UTRN: variants seen among roughly 807,000 people sequenced by gnomAD.
UTRN encodes dystrophin-related protein 1.
Under a neutral mutation model 463.9 loss-of-function variants are expected in UTRN, and 283 were observed. The observed-to-expected ratio is 0.61, with a 90% CI of 0.55 to 0.67. The LOEUF (loss-of-function observed/expected upper bound fraction) is 0.67, where lower values mean the gene tolerates loss of function less well. Ranked by LOEUF, UTRN falls within the 30% of genes least tolerant of loss-of-function variation. The pLI, the probability that UTRN is intolerant of heterozygous loss-of-function variation, is 0.00. For synonymous variants in UTRN, 1,442 were observed against 1,431.5 expected (o/e 1.01, Z -0.17); for missense variants, 3,922 against 4,084.3 (o/e 0.96, Z 1.08).
chr6:144,507,265 G>T (rs982222540), intron 34 of UTRN, among the ~76,000 whole-genome samples: 1 of 151,838 alleles, frequency 6.6e-6, no homozygotes, highest in Non-Finnish European at 1.5e-5. Flanking sequence ...GCCTACTTCT[G>T]TCAATTCATC....
intron 51 of UTRN, among the ~76,000 whole-genome samples, chr6:144,609,517 C>T (rs907398900): frequency 6.6e-6 from 1 of 152,176 alleles, no homozygotes; most frequent in Non-Finnish European, 1.5e-5. Context: ...CCACTTTGAA[C>T]AGTGGACAGA....
intron 23 of UTRN, 72 bp downstream of exon 23, chr6:144,462,938 A>ATTT (rs1789570670): frequency 8.4e-7 from 1 of 1,189,232 alleles, no homozygotes; most frequent in Non-Finnish European, 1.2e-6. Flanking sequence ...AGATTCACGT[A>ATTT]TTTATTATTT....
At chr6:144,580,898 A>G (rs1046578294) in intron 51 of UTRN, among the ~76,000 whole-genome samples, 5 of 152,222 alleles carry the variant, frequency 3.3e-5, no homozygotes, top group Admixed American at 6.5e-5. Flanking sequence ...TCCAGGCTAC[A>G]GGTAATAATT....
intron 50 of UTRN, among the ~76,000 whole-genome samples, chr6:144,557,771 T>C (rs1332645024): frequency 3.9e-5 from 6 of 152,154 alleles, no homozygotes; most frequent in Admixed American, 2.0e-4. Flanking sequence ...AAATAATCTA[T>C]GTGCATTTAG....
chr6:144,287,643 C>T (rs1317887166), intron 1 of UTRN, among the ~76,000 whole-genome samples: 1 of 151,970 alleles, frequency 6.6e-6, no homozygotes, highest in African/African-American at 2.4e-5. Flanking sequence ...AAAATTGAAA[C>T]ATTAGTTTTG....
At chr6:144,462,945 A>G (rs1316663517) in intron 23 of UTRN, 79 bp downstream of exon 23, 7 of 1,148,454 alleles carry the variant, frequency 6.1e-6, no homozygotes. Context: ...CGTATTTATT[A>G]TTTAAATATT....
chr6:144,458,041 T>G (rs898324065), intron 19 of UTRN, among the ~76,000 whole-genome samples: 1 of 152,212 alleles, frequency 6.6e-6, no homozygotes, highest in Non-Finnish European at 1.5e-5. Flanking sequence ...GACTTTATTA[T>G]TTTTAGGAAC....
chr6:144,641,445 A>G (rs1247396956), intron 51 of UTRN, among the ~76,000 whole-genome samples: 1 of 152,162 alleles, frequency 6.6e-6, no homozygotes, highest in Non-Finnish European at 1.5e-5. Context: ...GAGAGAACAG[A>G]TTACAGATGT....
rs1562490981 is a variant in UTRN at position 144,499,432 on chromosome 6, G to T, written c.4764+5G>T. 1 of 1,598,540 alleles carries T rather than the reference G, an allele frequency of 6.3e-7. No individual in the cohort carries two copies. Among genetic ancestry groups the T allele is most frequent in the Non-Finnish European group, 8.6e-7 (1 of 1,168,218 alleles). ...ACAGAAATTTCCTGGGCTAAAGTAA[G>T]TTGCAGTTCAGATGAAACACCAGCA... On this transcript the variant is annotated splice_donor_5th_base_variant and intron_variant, in intron 34 of 74. Transcript: ENST00000367545.
chr6:144,347,935 C>T (rs1290401118), intron 2 of UTRN, among the ~76,000 whole-genome samples: 1 of 150,834 alleles, frequency 6.6e-6, no homozygotes, highest in African/African-American at 2.5e-5. Context: ...CCTTGACCTC[C>T]CAGGCTCAAG....
At chr6:144,655,535 T>G (rs1253142141) in intron 51 of UTRN, among the ~76,000 whole-genome samples, 2 of 151,180 alleles carry the variant, frequency 1.3e-5, no homozygotes, top group Non-Finnish European at 2.9e-5. Context: ...AACTCCTCAT[T>G]TTAGTAATGA....
At chr6:144,822,003 A>G (rs1420632957) in intron 66 of UTRN, among the ~76,000 whole-genome samples, 1 of 152,162 alleles carries the variant, frequency 6.6e-6, no homozygotes, top group African/African-American at 2.4e-5. Flanking sequence ...TATAAAAAAT[A>G]GAGAAAATTG....
rs80081334 is a variant in UTRN, at chr6:144,324,856, C to G, written c.79+32949C>G. On this transcript the variant is annotated intron_variant, in intron 2 of 74. Transcript: ENST00000367545. ...TGGAGTGGCTTTCTTATGCATCTCA[C>G]AGATTTTGCAAGCCCTCTGATTGAA... Among the ~76,000 whole-genome samples the G allele has an allele frequency of 8.7e-3, 1,321 of 152,258 alleles. 90 individuals are homozygous for G. In the East Asian group the frequency reaches 0.17, roughly 19 times the overall value.
chr6:144,435,831 A>G, intron 9 of UTRN, 104 bp from the exon 10 acceptor site: 2 of 1,274,496 alleles, frequency 1.6e-6, no homozygotes, highest in Non-Finnish European at 2.2e-6. Context: ...ATTAGTGCCT[A>G]AGACAGAGTG....
rs1416403628 is a variant in UTRN, at chr6:144,337,215, CACACAT to C, written c.79+45309_79+45314del. Among the ~76,000 whole-genome samples the C allele has an allele frequency of 6.7e-5, 10 of 149,292 alleles. No individual in the cohort carries two copies. In the East Asian group the frequency reaches 1.0e-3, roughly 16 times the overall value. The stretch of plus-strand genomic sequence containing the variant: ...CACACCACACACACACACACACACA[CACACAT>C]GTGAGAGGAGGGCCACCCTGGGAGG... On this transcript the variant is annotated intron_variant, in intron 2 of 74. Transcript: ENST00000367545.
intron 2 of UTRN, among the ~76,000 whole-genome samples, chr6:144,376,011 A>G (rs1780424907): frequency 2.0e-5 from 3 of 151,884 alleles, no homozygotes; most frequent in South Asian, 2.1e-4. Context: ...TTTTTGAGAC[A>G]GGGTTTCACT....
At chr6:144,597,709 A>T (rs1294400886) in intron 51 of UTRN, among the ~76,000 whole-genome samples, 7 of 152,236 alleles carry the variant, frequency 4.6e-5, no homozygotes, top group Non-Finnish European at 1.0e-4. Context: ...CTATGAAAGA[A>T]GCATAAACTT....
In UTRN at chr6:144,521,983, A is replaced by G. The variant is rs775632393; in HGVS notation, c.5545A>G (p.Ile1849Val). The change falls in exon 40 of 75, where the codon ATC becomes GTC. Residue 1849 changes from isoleucine (I) to valine (V), a missense_variant. Ile to Val is a conservative substitution (Grantham distance 29). Around this residue, in one of 3 missense-constraint regions of UTRN, gnomAD observed 2,349 missense variants for 2,303.8 expected, o/e 1.02. Coordinates refer to ENST00000367545, the MANE Select transcript of UTRN (RefSeq NM_007124.3). ...TTTTTTTTTGCTGTTTTTGTAGGCAATCCCTATTCAACAGAGGAAAATGGG... is the reference window on the plus strand; with the variant it reads ...TTTTTTTTTGCTGTTTTTGTAGGCAGTCCCTATTCAACAGAGGAAAATGGG... ...LHTRYNKIKA[I>V]PIQQRKMGQL... is the part of the protein sequence containing the mutation. 1.1e-5 allele frequency: 17 copies of G among 1,512,938 alleles called. No individual in the cohort carries two copies. The African/African-American group carries it at 1.2e-4, about 10-fold the overall frequency. The allele number at this position is 1,512,938 out of a possible 1,614,324, so 93.7% of individuals were successfully genotyped here.
chr6:144,585,203 G>A (rs1056069793), intron 51 of UTRN, among the ~76,000 whole-genome samples: 1 of 152,082 alleles, frequency 6.6e-6, no homozygotes, highest in African/African-American at 2.4e-5. Flanking sequence ...ACCATCAGAA[G>A]TGCTTTTTGG....
Sources: gnomAD v4.1 joint callset for allele counts (sites outside exome capture counted in the v4.1 genomes callset) on GRCh38, gnomAD v4.1.1 for gene constraint, gnomAD v4.1.1 regional missense constraint, MANE v1.5 for transcripts, NCBI Gene and HGNC (gene_info 2026-07-23, HGNC 2026-07-21) for gene names.